Variants in SORCS3 observed in about 807,000 individuals in gnomAD.
SORCS3 encodes the protein sortilin related VPS10 domain containing receptor 3, also known as VPS10 domain-containing receptor SorCS3.
A neutral mutation model predicts 146.3 loss-of-function variants in SORCS3; 57 were observed. The observed-to-expected ratio is 0.39, with a 90% CI of 0.31 to 0.49. The LOEUF (loss-of-function observed/expected upper bound fraction) is 0.49, where lower values mean the gene tolerates loss of function less well. Ranked by LOEUF, SORCS3 falls within the 20% of genes least tolerant of loss-of-function variation. The pLI is 0.92. For synonymous variants in SORCS3, 653 were observed against 618.5 expected, an observed-to-expected ratio of 1.06 and a Z score of -0.83; for missense variants, 1,341 against 1,575.5, an observed-to-expected ratio of 0.85 and a Z score of 2.52.
chr10:104,752,974 C>G (rs2017006875), intron 1 of SORCS3, among the ~76,000 whole-genome samples: 1 of 152,204 alleles, frequency 6.6e-6, no homozygotes, highest in East Asian at 1.9e-4. Context: ...ACCAAACAAA[C>G]AAACAAATGA....
At chr10:105,248,042 A>G (rs1464804721) in intron 22 of SORCS3, among the ~76,000 whole-genome samples, 1 of 152,242 alleles carries the variant, frequency 6.6e-6, no homozygotes, top group Non-Finnish European at 1.5e-5. Context: ...TCAGAAGGCT[A>G]CAGGCCAGGA....
In SORCS3 at chr10:105,255,694, T is replaced by C; in HGVS notation, c.3238-8T>C. On this transcript the variant is annotated splice_polypyrimidine_tract_variant and splice_region_variant and intron_variant, in intron 23 of 26. Transcript: ENST00000369701. ...TGTCACCCCATGCATCCTGTCTTAT[T>C]TTTTCAGATTGTAGAAACACTGTTT... The C allele has an allele frequency of 3.7e-6, 6 of 1,606,670 alleles. No individual in the cohort carries two copies. Among genetic ancestry groups the C allele is most frequent in the Non-Finnish European group, 4.3e-6 (5 of 1,173,586 alleles).
intron 4 of SORCS3, among the ~76,000 whole-genome samples, chr10:104,995,616 C>T (rs975809366): frequency 1.3e-5 from 2 of 152,060 alleles, no homozygotes; most frequent in Admixed American, 1.3e-4. Flanking sequence ...AACTTGTGTT[C>T]TTACTATTGA....
At chr10:105,096,719 G>C (rs1202950612) in intron 6 of SORCS3, among the ~76,000 whole-genome samples, 1 of 152,098 alleles carries the variant, frequency 6.6e-6, no homozygotes. Context: ...TGGGGTGTGG[G>C]AAAGTTATGC....
chr10:104,903,228 G>A (rs1294153579), intron 2 of SORCS3, among the ~76,000 whole-genome samples: 1 of 152,156 alleles, frequency 6.6e-6, no homozygotes, highest in African/African-American at 2.4e-5. Context: ...TTAAGAGAAA[G>A]TGTTTTGTAT....
chr10:105,252,976 T>A (rs1196931441), intron 23 of SORCS3, 70 bp downstream of exon 23: 2 of 1,554,474 alleles, frequency 1.3e-6, no homozygotes, highest in African/African-American at 2.8e-5. Context: ...AAAGCTGTTT[T>A]CAGCCAGAAA....
intron 6 of SORCS3, among the ~76,000 whole-genome samples, chr10:105,090,723 G>A (rs2055695755): frequency 6.6e-6 from 1 of 152,074 alleles, no homozygotes; most frequent in African/African-American, 2.4e-5. Flanking sequence ...TAACCTCTCT[G>A]GGCTGTAACT....
chr10:104,956,598 A>AT (rs201381773), intron 3 of SORCS3, among the ~76,000 whole-genome samples: 5,360 of 148,752 alleles, frequency 0.036, 134 homozygotes, highest in Middle Eastern at 0.052. Flanking sequence ...GGTGGAAGTG[A>AT]TTTTTTTTTT....
intron 2 of SORCS3, among the ~76,000 whole-genome samples, chr10:104,900,873 G>A (rs1399360405): frequency 3.5e-5 from 4 of 113,412 alleles, no homozygotes; most frequent in Non-Finnish European, 6.6e-5. Flanking sequence ...CAGTGTGGGC[G>A]ACAGAGCAAG....
At chr10:105,219,023 A>G (rs2056682289) in intron 19 of SORCS3, among the ~76,000 whole-genome samples, 1 of 148,622 alleles carries the variant, frequency 6.7e-6, no homozygotes, top group Non-Finnish European at 1.5e-5. Context: ...TCAAAAAAAA[A>G]TATATATATA....
chr10:104,745,459 A>C (rs1048797366), intron 1 of SORCS3, among the ~76,000 whole-genome samples: 1 of 152,230 alleles, frequency 6.6e-6, no homozygotes, highest in African/African-American at 2.4e-5. Context: ...TGAAATATTT[A>C]ATGACAAGTT....
At chr10:105,143,246 T>A (rs1026595803) in intron 8 of SORCS3, among the ~76,000 whole-genome samples, 1 of 150,846 alleles carries the variant, frequency 6.6e-6, no homozygotes, top group Non-Finnish European at 1.5e-5. Context: ...CCTTTGGTAG[T>A]TTTTTTTTAT....
chr10:104,734,186 T>C (rs968760123), intron 1 of SORCS3, among the ~76,000 whole-genome samples: 3 of 152,262 alleles, frequency 2.0e-5, no homozygotes, highest in Admixed American at 6.5e-5. Context: ...ATCTCGTCCC[T>C]AGAAATATAT....
intron 14 of SORCS3, among the ~76,000 whole-genome samples, chr10:105,198,229 A>G (rs182595380): frequency 2.0e-5 from 3 of 152,186 alleles, no homozygotes; most frequent in Admixed American, 2.0e-4. Flanking sequence ...GTAAATTTGA[A>G]CTATGTGGAG....
intron 1 of SORCS3, among the ~76,000 whole-genome samples, chr10:104,657,042 A>G (rs2015640729): frequency 6.6e-6 from 1 of 152,166 alleles, no homozygotes; most frequent in South Asian, 2.1e-4. Flanking sequence ...TGCTTTGGCC[A>G]ATAGAGAGTT....
intron 1 of SORCS3, among the ~76,000 whole-genome samples, chr10:104,787,787 C>G (rs1299968172): frequency 9.9e-5 from 15 of 152,168 alleles, no homozygotes; most frequent in Admixed American, 9.8e-4. Context: ...GGCCCCGAAT[C>G]CCCAGTGAAC....
intron 5 of SORCS3, among the ~76,000 whole-genome samples, chr10:105,066,841 G>A (rs61163220): frequency 0.059 from 8,958 of 151,984 alleles, 283 homozygotes; most frequent in Middle Eastern, 0.088. Context: ...TTCCTTCCAG[G>A]AATCATTGAG....
chr10:105,240,223 A>G (rs1043702438), intron 20 of SORCS3, among the ~76,000 whole-genome samples: 10 of 152,208 alleles, frequency 6.6e-5, no homozygotes, highest in Admixed American at 4.6e-4. Flanking sequence ...AAGAGATTCC[A>G]TTGCCCAAGA....
At chr10:104,970,188 C>T (rs571491711) in intron 3 of SORCS3, among the ~76,000 whole-genome samples, 14 of 152,114 alleles carry the variant, frequency 9.2e-5, no homozygotes, top group Non-Finnish European at 2.1e-4. Flanking sequence ...TGCCTGCCAC[C>T]CAGGCTGGAG....
Sources: gnomAD v4.1 joint callset for allele counts (sites outside exome capture counted in the v4.1 genomes callset) on GRCh38, gnomAD v4.1.1 for gene constraint, MANE v1.5 for transcripts, NCBI Gene and HGNC (gene_info 2026-07-23, HGNC 2026-07-21) for gene names.